ARL6IP6: variants seen among roughly 807,000 people sequenced by gnomAD.
The protein encoded by ARL6IP6 is ARF like GTPase 6 interacting protein 6.
In ARL6IP6, 22 loss-of-function variants were observed where a neutral mutation model predicts 21.5. The ratio of observed to expected loss-of-function variants is 1.02; its 90% CI spans 0.73 to 1.46. The LOEUF (loss-of-function observed/expected upper bound fraction) is 1.46, where lower values mean the gene tolerates loss of function less well. Ranked by LOEUF, ARL6IP6 falls within the 40% of genes most tolerant of loss-of-function variation. ARL6IP6 has a pLI of 0.00. For missense variants in ARL6IP6, 388 were observed against 299.8 expected, an observed-to-expected ratio of 1.29 and a Z score of -2.17; for synonymous variants, 164 against 125.3, an observed-to-expected ratio of 1.31 and a Z score of -2.06.
At chr2:152,717,800 T>G, upstream of ARL6IP6, 1 of 1,154,464 alleles carries the variant, frequency 8.7e-7, no homozygotes, top group Non-Finnish European at 1.1e-6. Context: ...ACCTTCACCC[T>G]CCCCGCCCGA....
chr2:152,738,222 C>T (rs1700639401), intron 3 of ARL6IP6, among the ~76,000 whole-genome samples: 1 of 152,242 alleles, frequency 6.6e-6, no homozygotes, highest in Non-Finnish European at 1.5e-5. Context: ...TTGGGCAGCT[C>T]TGCCCCTGTG....
At chr2:152,733,179 G>A (rs1700401713) in intron 2 of ARL6IP6, among the ~76,000 whole-genome samples, 1 of 152,088 alleles carries the variant, frequency 6.6e-6, no homozygotes, top group Non-Finnish European at 1.5e-5. Context: ...CTTTTTGTAA[G>A]TGGTCACCCC....
chr2:152,759,698 T>C (rs1195029733), intron 3 of ARL6IP6, 49 bp from the exon 4 acceptor site: 1 of 1,478,822 alleles, frequency 6.8e-7, no homozygotes, highest in Non-Finnish European at 9.4e-7. Context: ...GTCTTTGTTA[T>C]ACCACGTTAC....
intron 2 of ARL6IP6, among the ~76,000 whole-genome samples, chr2:152,730,355 C>T (rs1700250277): frequency 6.6e-6 from 1 of 152,136 alleles, no homozygotes; most frequent in African/African-American, 2.4e-5. Flanking sequence ...CGTTCTATAG[C>T]AGTCCCCAAA....
At chr2:152,736,099 TG>T (rs1479481397) in intron 3 of ARL6IP6, among the ~76,000 whole-genome samples, 1 of 152,186 alleles carries the variant, frequency 6.6e-6, no homozygotes, top group African/African-American at 2.4e-5. Flanking sequence ...TATGTGTATA[TG>T]AAATGTAAGT....
At position 152,720,522 on chromosome 2, in the gene ARL6IP6, T is replaced by C; in HGVS notation, c.401-11T>C. The C allele has an allele frequency of 6.2e-7, 1 of 1,612,878 alleles. No homozygotes were observed. Among genetic ancestry groups the C allele is most frequent in the Non-Finnish European group, 8.5e-7 (1 of 1,178,868 alleles). ...TTGCTTTCCTACCTAAGTCCCTCTTTGTATTTGCAGAGTTGCATGCTGAGA... is the reference window on the plus strand; with the variant it reads ...TTGCTTTCCTACCTAAGTCCCTCTTCGTATTTGCAGAGTTGCATGCTGAGA... On this transcript the variant is annotated splice_polypyrimidine_tract_variant and intron_variant, in intron 1 of 3. Transcript: ENST00000326446.
intron 2 of ARL6IP6, among the ~76,000 whole-genome samples, chr2:152,722,484 A>G (rs1699834249): frequency 6.6e-6 from 1 of 152,232 alleles, no homozygotes; most frequent in African/African-American, 2.4e-5. Context: ...GTTAATTTTA[A>G]AGAATAGTTA....
At chr2:152,736,776 G>A (rs573680647) in intron 3 of ARL6IP6, among the ~76,000 whole-genome samples, 10 of 152,260 alleles carry the variant, frequency 6.6e-5, no homozygotes, top group African/African-American at 2.4e-4. Context: ...ATAAAAAACA[G>A]TATAGACAAC....
chr2:152,718,607 TTCGTTGTGTTTCGCGCCATG>T, exon 1 of ARL6IP6: 1 of 1,503,708 alleles, frequency 6.7e-7, no homozygotes, highest in South Asian at 1.4e-5. Context: ...CTCCGCGGGT[TTCGTTGTGTTTCGCGCCATG>T]TCGTTTGCTG....
chr2:152,719,976 T>G (rs1254786038), intron 1 of ARL6IP6: 1 of 468,378 alleles, frequency 2.1e-6, no homozygotes, highest in Admixed American at 2.4e-5. Flanking sequence ...TTTGGCCAGT[T>G]GATGTGGGTT....
At chr2:152,721,730 C>G (rs1699799743) in intron 2 of ARL6IP6, among the ~76,000 whole-genome samples, 2 of 152,248 alleles carry the variant, frequency 1.3e-5, no homozygotes, top group African/African-American at 2.4e-5. Context: ...ACTCTCTAAT[C>G]TACCACTTTA....
chr2:152,749,274 G>A (rs1184874954), intron 3 of ARL6IP6, among the ~76,000 whole-genome samples: 2 of 151,140 alleles, frequency 1.3e-5, no homozygotes, highest in Non-Finnish European at 2.9e-5. Context: ...AAGTCGTTAT[G>A]TAGGAAGAGG....
At chr2:152,718,436 G>A (rs1573994374), upstream of ARL6IP6, 6 of 746,714 alleles carry the variant, frequency 8.0e-6, no homozygotes, top group East Asian at 2.0e-4. Flanking sequence ...TCTGGTCGAA[G>A]CGCATTCCGC....
intron 2 of ARL6IP6, among the ~76,000 whole-genome samples, chr2:152,734,347 T>C (rs953691534): frequency 2.7e-5 from 4 of 150,680 alleles, no homozygotes; most frequent in Admixed American, 1.3e-4. Flanking sequence ...AGGTTTATAA[T>C]GTTCATAAGA....
chr2:152,723,427 A>G (rs1699885560), intron 2 of ARL6IP6, among the ~76,000 whole-genome samples: 1 of 152,206 alleles, frequency 6.6e-6, no homozygotes, highest in Non-Finnish European at 1.5e-5. Context: ...TTCTTGGCAT[A>G]CTTATTATTG....
upstream of ARL6IP6, chr2:152,718,571 G>A (rs1699377249): frequency 6.0e-6 from 9 of 1,487,956 alleles, no homozygotes; most frequent in South Asian, 1.2e-4. Context: ...GCGGACCCGG[G>A]GCGGGGCAGG....
chr2:152,730,082 CT>C (rs1190686190), intron 2 of ARL6IP6, among the ~76,000 whole-genome samples: 7 of 152,132 alleles, frequency 4.6e-5, no homozygotes, highest in Non-Finnish European at 7.3e-5. Context: ...TTTTTTACCC[CT>C]ATCATTGTGA....
intron 3 of ARL6IP6, among the ~76,000 whole-genome samples, chr2:152,747,488 C>T (rs1383947703): frequency 6.6e-6 from 1 of 152,160 alleles, no homozygotes; most frequent in Non-Finnish European, 1.5e-5. Flanking sequence ...TCCAGTAATA[C>T]TGCCTGCAAA....
At chr2:152,727,894 G>A (rs777643974) in intron 2 of ARL6IP6, among the ~76,000 whole-genome samples, 1 of 152,068 alleles carries the variant, frequency 6.6e-6, no homozygotes, top group African/African-American at 2.4e-5. Context: ...TGATTGTATT[G>A]TATTTTCATT....
Sources: gnomAD v4.1 joint callset for allele counts (sites outside exome capture counted in the v4.1 genomes callset) on GRCh38, gnomAD v4.1.1 for gene constraint, MANE v1.5 for transcripts, NCBI Gene and HGNC (gene_info 2026-07-23, HGNC 2026-07-21) for gene names.